The following DLG2 variants were observed in gnomAD, a reference collection of about 807,000 sequenced individuals.
DLG2 encodes the protein discs large MAGUK scaffold protein 2.
In DLG2, 45 loss-of-function variants were observed where a neutral mutation model predicts 132.5. That is an observed-to-expected ratio of 0.34 (90% CI 0.27 to 0.44). The LOEUF is 0.44. DLG2 is among the 20% of genes least tolerant of loss of function. The pLI, the probability that DLG2 is intolerant of heterozygous loss-of-function variation, is 1.00. For synonymous variants in DLG2, 424 were observed against 419.6 expected, an observed-to-expected ratio of 1.01 and a Z score of -0.13; for missense variants, 1,045 against 1,196.9, an observed-to-expected ratio of 0.87 and a Z score of 1.87.
rs185072451 is a variant in DLG2 at position 84,080,597 on chromosome 11, G to T, written c.749+18326C>A. On this transcript the variant is annotated intron_variant, in intron 10 of 27. Coordinates refer to ENST00000376104, the MANE Select transcript of DLG2 (RefSeq NM_001142699.3). ...TATTATTATGTATACCTGGACTAATGACTATCAAATAGATTGTGTTTTAAT... is the reference window on the plus strand; with the variant it reads ...TATTATTATGTATACCTGGACTAATTACTATCAAATAGATTGTGTTTTAAT... Among the ~76,000 whole-genome samples the T allele has an allele frequency of 1.4e-3, 216 of 152,272 alleles. 1 individual carries two copies. Among genetic ancestry groups the T allele is most frequent in the African/African-American group, 4.9e-3 (204 of 41,536 alleles).
At chr11:83,553,169 C>T (rs1181981523) in intron 19 of DLG2, among the ~76,000 whole-genome samples, 1 of 152,164 alleles carries the variant, frequency 6.6e-6, no homozygotes, top group Non-Finnish European at 1.5e-5. Flanking sequence ...CAGAAAATTG[C>T]CTCATCTTGT....
intron 6 of DLG2, among the ~76,000 whole-genome samples, chr11:84,771,381 C>CT (rs1344406618): frequency 6.6e-6 from 1 of 151,976 alleles, no homozygotes; most frequent in African/African-American, 2.4e-5. Context: ...TGATACTGAG[C>CT]TTTTTTTCAT....
At chr11:84,205,870 C>A (rs940188936) in intron 8 of DLG2, among the ~76,000 whole-genome samples, 3 of 151,888 alleles carry the variant, frequency 2.0e-5, no homozygotes, top group Admixed American at 6.6e-5. Flanking sequence ...AGCAAGCAAA[C>A]AATAGAAGAT....
intron 19 of DLG2, among the ~76,000 whole-genome samples, chr11:83,598,641 T>C (rs914505606): frequency 1.2e-4 from 18 of 152,210 alleles, no homozygotes; most frequent in Admixed American, 7.9e-4. Flanking sequence ...TAATACTAGC[T>C]ACTTAATAAA....
At chr11:84,644,234 C>T (rs1359090647) in intron 6 of DLG2, among the ~76,000 whole-genome samples, 1 of 152,120 alleles carries the variant, frequency 6.6e-6, no homozygotes, top group Non-Finnish European at 1.5e-5. Context: ...TGGAATGATC[C>T]TCAACCCAAT....
intron 6 of DLG2, among the ~76,000 whole-genome samples, chr11:85,080,134 C>G (rs978235102): frequency 1.1e-4 from 16 of 152,044 alleles, no homozygotes; most frequent in Non-Finnish European, 1.8e-4. Flanking sequence ...ATCTCACATG[C>G]CCACCTGTTC....
At chr11:84,544,246 C>T (rs1269518523) in intron 6 of DLG2, among the ~76,000 whole-genome samples, 1 of 152,184 alleles carries the variant, frequency 6.6e-6, no homozygotes, top group Non-Finnish European at 1.5e-5. Flanking sequence ...CTGTTTAATT[C>T]TAAACAGACC....
At chr11:84,920,799 T>C (rs2092716819) in intron 6 of DLG2, among the ~76,000 whole-genome samples, 1 of 152,168 alleles carries the variant, frequency 6.6e-6, no homozygotes. Flanking sequence ...CATACCACTC[T>C]CAATAAAATT....
At chr11:83,783,313 T>C (rs1230352208) in intron 18 of DLG2, among the ~76,000 whole-genome samples, 1 of 152,230 alleles carries the variant, frequency 6.6e-6, no homozygotes, top group Non-Finnish European at 1.5e-5. Flanking sequence ...TGATCTCGCT[T>C]TGTAAAGTGA....
chr11:83,606,698 C>CGG (rs1385061188), intron 19 of DLG2, among the ~76,000 whole-genome samples: 3 of 151,588 alleles, frequency 2.0e-5, no homozygotes, highest in African/African-American at 7.3e-5. Flanking sequence ...GAGGCTGAGG[C>CGG]GGGCGGATCA....
intron 3 of DLG2, among the ~76,000 whole-genome samples, chr11:85,388,350 A>C (rs1368623295): frequency 6.6e-6 from 1 of 152,128 alleles, no homozygotes; most frequent in Non-Finnish European, 1.5e-5. Flanking sequence ...TCCCCACCTG[A>C]TATCTTTCTC....
chr11:84,057,054 T>C (rs1199026042), intron 11 of DLG2, among the ~76,000 whole-genome samples: 1 of 152,126 alleles, frequency 6.6e-6, no homozygotes, highest in Non-Finnish European at 1.5e-5. Flanking sequence ...GGTTATTGCC[T>C]AGGTATACCA....
chr11:83,982,122 T>C (rs893299995), intron 11 of DLG2, among the ~76,000 whole-genome samples: 1 of 152,162 alleles, frequency 6.6e-6, no homozygotes, highest in Admixed American at 6.6e-5. Context: ...GCATATACAA[T>C]TGTAAACAAT....
intron 7 of DLG2, among the ~76,000 whole-genome samples, chr11:84,450,602 G>T (rs1478564123): frequency 6.6e-6 from 1 of 151,448 alleles, no homozygotes; most frequent in Non-Finnish European, 1.5e-5. Flanking sequence ...AGAAATAATG[G>T]GGGCCTTAAT....
rs367876807 is a variant in DLG2, at chr11:85,294,290, A to G, written c.41-8925T>C. 7.9e-5 allele frequency among the ~76,000 whole-genome samples: 12 copies of G among 152,202 alleles called. No homozygotes were observed. In the South Asian group the frequency reaches 2.5e-3, roughly 32 times the overall value. On this transcript the variant is annotated intron_variant, in intron 3 of 27. Coordinates refer to ENST00000376104, the MANE Select transcript of DLG2 (RefSeq NM_001142699.3). ...AAATACACCACTTTGAAAAATGGTA[A>G]GGTGACTAGGAGGTGTTAGTGATAA...
intron 3 of DLG2, among the ~76,000 whole-genome samples, chr11:85,322,733 C>T (rs866388253): frequency 6.6e-6 from 1 of 152,124 alleles, no homozygotes; most frequent in East Asian, 1.9e-4. Context: ...TCAGAGACTT[C>T]AAAGTCATCC....
rs183659050 is a variant in DLG2, at chr11:84,117,170, C to T, written c.625-18123G>A. 2.4e-3 allele frequency among the ~76,000 whole-genome samples: 360 copies of T among 152,334 alleles called. 2 individuals carry two copies. Among genetic ancestry groups the T allele is most frequent in the African/African-American group, 8.4e-3 (349 of 41,584 alleles). On this transcript the variant is annotated intron_variant, in intron 9 of 27. Transcript: ENST00000376104. ...CAAATGAAAGCAACTGCTCCCACTT[C>T]TAAGGTCCTAGAGCACATTGGGTTA...
At chr11:83,508,363 A>G (rs1285716273) in intron 21 of DLG2, among the ~76,000 whole-genome samples, 1 of 142,938 alleles carries the variant, frequency 7.0e-6, no homozygotes, top group African/African-American at 2.7e-5. Flanking sequence ...CAGCCTCCCG[A>G]GTAGCTGGGA....
At chr11:85,566,570 A>T (rs1446728533) in intron 3 of DLG2, among the ~76,000 whole-genome samples, 1 of 152,076 alleles carries the variant, frequency 6.6e-6, no homozygotes, top group African/African-American at 2.4e-5. Flanking sequence ...AGGGTTGCAG[A>T]TGCTGACTTA....
Sources: allele counts gnomAD v4.1 joint callset (sites outside exome capture counted in the v4.1 genomes callset), GRCh38; gene constraint gnomAD v4.1.1; transcripts MANE v1.5; gene names NCBI Gene and HGNC (gene_info 2026-07-23, HGNC 2026-07-21).